Variants in MRPL4 observed in about 807,000 individuals in gnomAD.
MRPL4 encodes mitochondrial ribosomal protein L4, also known as large ribosomal subunit protein uL4m.
In MRPL4, 34 loss-of-function variants were observed where a neutral mutation model predicts 34.1. The observed-to-expected ratio is 1.00, with a 90% CI of 0.76 to 1.33. The LOEUF (loss-of-function observed/expected upper bound fraction) is 1.33. Ranked by LOEUF, MRPL4 falls within the 40% of genes most tolerant of loss-of-function variation. The probability of loss-of-function intolerance (pLI) is 0.00; values close to 1 mark genes in which losing one functional copy is unlikely to be tolerated. For synonymous variants in MRPL4, 196 were observed against 188.3 expected, an observed-to-expected ratio of 1.04 and a Z score of -0.33; for missense variants, 402 against 434.6, an observed-to-expected ratio of 0.92 and a Z score of 0.67.
intron 5 of MRPL4, among the ~76,000 whole-genome samples, chr19:10,257,353 C>T (rs1489999677): frequency 6.6e-6 from 1 of 152,116 alleles, no homozygotes; most frequent in Non-Finnish European, 1.5e-5. Context: ...CAAGATGACT[C>T]AGGGTGGTGC....
intron 5 of MRPL4, among the ~76,000 whole-genome samples, chr19:10,257,169 C>T (rs2039860310): frequency 6.6e-6 from 1 of 152,108 alleles, no homozygotes; most frequent in South Asian, 2.1e-4. Context: ...AACCTGAACT[C>T]CGGACCTCGG....
chr19:10,252,550 G>C lies in MRPL4; in HGVS notation c.125-1G>C. ...ACCTCTGACCCCCGCAATCGCTCCA[G>C]GTCTCCCGGAGCCCGTGCTGCGCAA... On this transcript the variant is annotated splice_acceptor_variant, in intron 2 of 8. Transcript: ENST00000253099. LOFTEE classifies it high-confidence loss of function. 1 of 1,613,198 alleles carries C rather than the reference G, an allele frequency of 6.2e-7. No individual in the cohort carries two copies. Among genetic ancestry groups the C allele is most frequent in the Non-Finnish European group, 8.5e-7 (1 of 1,179,520 alleles).
intron 4 of MRPL4, 48 bp downstream of exon 4, chr19:10,254,688 G>C (rs764941614): frequency 1.2e-6 from 2 of 1,608,618 alleles, no homozygotes; most frequent in Non-Finnish European, 1.7e-6. Flanking sequence ...TTCCTGGGGA[G>C]GTTGGGGATA....
In MRPL4 at chr19:10,259,746, A is replaced by G; in HGVS notation, c.869A>G (p.Tyr290Cys). Residue 290 changes from tyrosine (Y) to cysteine (C), a missense_variant, in exon 9 of 9, where the codon TAC (tyrosine) becomes TGC (cysteine). By Grantham distance (194) the Tyr-to-Cys change is radical. Coordinates refer to ENST00000253099, the MANE Select transcript of MRPL4 (RefSeq NM_015956.3). ...CCCCTCTACCCCTTCAGCCTGCCCTACAGCGACTTCCCCCGACCCCTACCC... is the reference window on the plus strand; with the variant it reads ...CCCCTCTACCCCTTCAGCCTGCCCTGCAGCGACTTCCCCCGACCCCTACCC... ...YRPLYPFSLP[Y>C]SDFPRPLPHA... is the part of the protein sequence containing the mutation. 6.2e-7 allele frequency: 1 copy of G among 1,613,978 alleles called. No individual in the cohort carries two copies. Among genetic ancestry groups the G allele is most frequent in the Non-Finnish European group, 8.5e-7 (1 of 1,179,962 alleles).
chr19:10,252,399 C>T lies in MRPL4; in HGVS notation c.60C>T (p.Gly20=). The change falls in exon 2 of 9, where the codon GGC becomes GGT. Residue 20 remains glycine, a splice_region_variant and synonymous_variant. Transcript: ENST00000253099. ...TCACTTTCGCCCAACCCTTGCAGGG[C>T]CTGAGTTCCCTGGCGGAAGAGGCAG... ...RAWLRPTGSQ[G]LSSLAEEAAR... The T allele has an allele frequency of 6.2e-7, 1 of 1,614,080 alleles. No homozygotes were observed. The highest frequency in any genetic ancestry group is 1.1e-5 in the South Asian group (1 of 91,074).
At chr19:10,256,084 G>A (rs773944894) in intron 4 of MRPL4, among the ~76,000 whole-genome samples, 9 of 152,084 alleles carry the variant, frequency 5.9e-5, no homozygotes, top group Admixed American at 3.3e-4. Context: ...TCGGGAGATC[G>A]AGACCAGCCT....
At chr19:10,258,752 C>G in intron 8 of MRPL4, 67 bp downstream of exon 8, 1 of 1,613,418 alleles carries the variant, frequency 6.2e-7, no homozygotes, top group Non-Finnish European at 8.5e-7. Flanking sequence ...CACAGCGGTT[C>G]AAATCCGGCA....
rs201313617 is a variant in MRPL4, at chr19:10,258,289, G to A, written c.513G>A (p.Ala171=). 64 of 1,614,074 alleles carry A rather than the reference G, an allele frequency of 4.0e-5. No individual in the cohort carries two copies. Among genetic ancestry groups the A allele is most frequent in the Admixed American group, 1.8e-4 (11 of 60,008 alleles). ...YYYMLPMKVR[A]LGLKVALTVK... ...ACATGCTGCCCATGAAGGTGCGGGC[G>A]CTGGGTCTCAAAGTGGCACTGACCG... Residue 171 remains alanine, a synonymous_variant, in exon 6 of 9, where the codon GCG becomes GCA. Transcript: ENST00000253099.
intron 4 of MRPL4, 93 bp from the exon 5 acceptor site, chr19:10,256,615 C>T: frequency 1.0e-6 from 1 of 987,834 alleles, no homozygotes; most frequent in Non-Finnish European, 1.6e-6. Flanking sequence ...CATCATGGTG[C>T]CTCCTGTCTG....
intron 3 of MRPL4, among the ~76,000 whole-genome samples, chr19:10,254,144 G>A (rs375877512): frequency 5.3e-5 from 8 of 152,002 alleles, no homozygotes; most frequent in Non-Finnish European, 8.8e-5. Flanking sequence ...TCAGCCTCCC[G>A]AGTAGCCAGA....
intron 4 of MRPL4, chr19:10,255,430 A>C (rs2039840782): frequency 6.5e-6 from 1 of 152,710 alleles, no homozygotes; most frequent in African/African-American, 2.4e-5. Context: ...AATTATGAGC[A>C]TGTCCCAGAG....
chr19:10,256,217 C>T (rs552383693), intron 4 of MRPL4, among the ~76,000 whole-genome samples: 1 of 151,896 alleles, frequency 6.6e-6, no homozygotes, highest in Non-Finnish European at 1.5e-5. Context: ...ACCTGGGAGG[C>T]GGAGGTTGCA....
intron 3 of MRPL4, 92 bp from the exon 4 acceptor site, chr19:10,254,497 G>C (rs1454321725): frequency 6.7e-7 from 1 of 1,488,570 alleles, no homozygotes; most frequent in Non-Finnish European, 9.3e-7. Flanking sequence ...CCAGGGCCCT[G>C]GAGGCAGAAG....
rs1024901677 is a variant in MRPL4 at position 10,259,823 on chromosome 19, C to G, written c.*10C>G. 25 of 1,598,644 alleles carry G rather than the reference C, an allele frequency of 1.6e-5. No individual in the cohort carries two copies. The highest frequency in any genetic ancestry group is 2.1e-5 in the Non-Finnish European group (24 of 1,169,142). Reference sequence around the variant, plus strand: ...CCCGTACCACTGTTGATGTGAAGCACCTCTTCTGAGCCAGGCCGAGCCCCT... The same window carrying G: ...CCCGTACCACTGTTGATGTGAAGCAGCTCTTCTGAGCCAGGCCGAGCCCCT... On this transcript the variant is annotated 3_prime_UTR_variant, in exon 9 of 9. Transcript: ENST00000253099.
rs2039896604 is a variant in MRPL4 at position 10,259,903 on chromosome 19, G to A, written c.*90G>A. On this transcript the variant is annotated 3_prime_UTR_variant, in exon 9 of 9. Coordinates refer to ENST00000253099, the MANE Select transcript of MRPL4 (RefSeq NM_015956.3). ...CACCCTTCGAGGAAGGTGTCACCTGGACCCCTTCATTCCACGGAGGAAGCT... is the reference window on the plus strand; with the variant it reads ...CACCCTTCGAGGAAGGTGTCACCTGAACCCCTTCATTCCACGGAGGAAGCT... 1.4e-5 allele frequency: 17 copies of A among 1,204,240 alleles called. No homozygotes were observed. The South Asian group carries it at 2.7e-4, about 19-fold the overall frequency. The allele number at this position is 1,204,240 out of a possible 1,614,324, so 74.6% of individuals were successfully genotyped here. A position where few individuals can be genotyped will look rare whatever the true frequency, so the allele number is the denominator to read the frequency against.
chr19:10,252,447 G>C lies in MRPL4; in HGVS notation c.108G>C (p.Glu36Asp). Residue 36 changes from glutamate (E) to aspartate (D), a missense_variant, in exon 2 of 9, where the codon GAG becomes GAC. Glu to Asp is a conservative substitution (Grantham distance 45). Transcript: ENST00000253099. ...EEAARATENPEQVASEGLPEP... is the reference protein window; with the variant it reads ...EEAARATENPDQVASEGLPEP... The stretch of plus-strand genomic sequence containing the variant: ...CAGCGCGTGCGACCGAGAACCCGGA[G>C]CAGGTGGCGAGCGAGGGTAAGGCAA... 6.2e-7 allele frequency: 1 copy of C among 1,614,090 alleles called. No homozygotes were observed. The highest frequency in any genetic ancestry group is 8.5e-7 in the Non-Finnish European group (1 of 1,179,980).
Position 10,258,523 on chromosome 19 carries a change from G to GT in MRPL4, c.662+2dup. 1.2e-6 allele frequency: 2 copies of GT among 1,614,122 alleles called. No individual in the cohort carries two copies. The highest frequency in any genetic ancestry group is 1.7e-6 in the Non-Finnish European group (2 of 1,180,024). On this transcript the variant is annotated splice_donor_variant, in intron 7 of 8. Transcript: ENST00000253099. LOFTEE classifies it high-confidence loss of function. ...GGGACTCCGTACTCCTCGTGGACTT[G>GT]TGAGGGCACAGGGCAGAGCAGGGGC...
In MRPL4 at chr19:10,252,594, C is replaced by G; in HGVS notation, c.168C>G (p.Pro56=). The change falls in exon 3 of 9, where the codon CCC becomes CCG. Residue 56 remains proline (P), a synonymous_variant. Transcript: ENST00000253099. ...PVLRKVELPV[P]THRRPVQAWV... is the part of the protein sequence containing the mutation. ...TGCGCAAAGTCGAGCTCCCGGTACC[C>G]ACTCATCGACGCCCAGTGCAGGCCT... 6.2e-7 allele frequency: 1 copy of G among 1,613,030 alleles called. No individual in the cohort carries two copies. Among genetic ancestry groups the G allele is most frequent in the African/African-American group, 1.3e-5 (1 of 75,034 alleles).
intron 3 of MRPL4, 141 bp downstream of exon 3, chr19:10,252,842 T>C (rs2145465246): frequency 8.4e-7 from 1 of 1,191,514 alleles, no homozygotes; most frequent in East Asian, 2.6e-5. Context: ...CAAAGGGGAA[T>C]GATGACAGTT....
Sources: gnomAD v4.1 joint callset for allele counts (sites outside exome capture counted in the v4.1 genomes callset) on GRCh38, gnomAD v4.1.1 for gene constraint, MANE v1.5 for transcripts, NCBI Gene and HGNC (gene_info 2026-07-23, HGNC 2026-07-21) for gene names.